BTBD2: variants seen among roughly 807,000 people sequenced by gnomAD.
BTBD2 encodes BTB/POZ domain-containing protein 2.
BTBD2 carries 15 observed loss-of-function variants against 44.0 expected under a neutral mutation model. The ratio of observed to expected loss-of-function variants is 0.34; its 90% CI spans 0.23 to 0.53. The LOEUF is 0.53. BTBD2 is among the 20% of genes least tolerant of loss of function. BTBD2 has a pLI of 0.95. For missense variants in BTBD2, 657 were observed against 746.4 expected, an observed-to-expected ratio of 0.88 and a Z score of 1.39; for synonymous variants, 443 against 335.9, an observed-to-expected ratio of 1.32 and a Z score of -3.49.
intron 3 of BTBD2, chr19:1,992,004 A>C (rs1035212879): frequency 2.6e-5 from 4 of 151,882 alleles, no homozygotes; most frequent in African/African-American, 9.7e-5. Context: ...GAATCGCTTG[A>C]ACGCTGGAGG....
chr19:1,992,875 A>C (rs2016198681), intron 3 of BTBD2, 145 bp downstream of exon 3: 1 of 849,772 alleles, frequency 1.2e-6, no homozygotes, highest in Non-Finnish European at 1.6e-6. Context: ...CCCGGCCCAA[A>C]ACACATTTTA....
intron 1 of BTBD2, chr19:2,013,633 G>A (rs1336014458): frequency 4.1e-6 from 4 of 987,500 alleles, no homozygotes; most frequent in African/African-American, 1.8e-5. Context: ...GGGCCCAGGG[G>A]TCTCTGGCTG....
Position 1,987,706 on chromosome 19 carries a change from A to C in BTBD2, c.989-14T>G. 1.3e-6 allele frequency: 2 copies of C among 1,578,128 alleles called. No homozygotes were observed. Among genetic ancestry groups the C allele is most frequent in the South Asian group, 1.2e-5 (1 of 86,020 alleles). On this transcript the variant is annotated splice_polypyrimidine_tract_variant and intron_variant, in intron 5 of 8. Transcript: ENST00000255608. ...ACTGTGCGGGACCTGCAGCACAGGG[A>C]GGGTGTGGGGGAGGGCCGGGCTGCA...
intron 1 of BTBD2, among the ~76,000 whole-genome samples, chr19:2,000,982 TCAGAGA>T (rs1329480872): frequency 2.0e-5 from 3 of 152,106 alleles, no homozygotes; most frequent in African/African-American, 4.8e-5. Context: ...GTCCTCAGAT[TCAGAGA>T]CAGAAAGGAT....
At chr19:1,988,728 A>C (rs1225682231) in intron 5 of BTBD2, among the ~76,000 whole-genome samples, 11 of 146,894 alleles carry the variant, frequency 7.5e-5, no homozygotes, top group African/African-American at 2.8e-4. Flanking sequence ...CTCAGCCTCC[A>C]GCATAGCTGG....
At chr19:2,014,851 G>C (rs1326163340) in intron 1 of BTBD2, among the ~76,000 whole-genome samples, 1 of 150,964 alleles carries the variant, frequency 6.6e-6, no homozygotes, top group Non-Finnish European at 1.5e-5. Context: ...CAGGCTGGGG[G>C]CGCAAGCCAG....
chr19:2,013,750 TGATCCA>T (rs2016496662), intron 1 of BTBD2: 1 of 898,940 alleles, frequency 1.1e-6, no homozygotes, highest in Non-Finnish European at 1.3e-6. Flanking sequence ...TGAAGGTCTC[TGATCCA>T]GATCATGTGC....
intron 5 of BTBD2, chr19:1,989,528 G>T: frequency 5.4e-6 from 1 of 184,896 alleles, no homozygotes. Context: ...GAGCTGGATG[G>T]CGTCAGGCAG....
At chr19:2,010,884 C>T (rs752389821) in intron 1 of BTBD2, among the ~76,000 whole-genome samples, 1 of 152,160 alleles carries the variant, frequency 6.6e-6, no homozygotes, top group Non-Finnish European at 1.5e-5. Context: ...GATGTCTGCC[C>T]ATCTCGGCCT....
chr19:2,008,762 G>A, intron 1 of BTBD2, among the ~76,000 whole-genome samples: 1 of 151,182 alleles, frequency 6.6e-6, no homozygotes, highest in Admixed American at 6.6e-5. Context: ...CAAGTAATGA[G>A]GTCTCGCTAT....
chr19:2,009,237 C>T (rs1407855375), intron 1 of BTBD2, among the ~76,000 whole-genome samples: 1 of 151,408 alleles, frequency 6.6e-6, no homozygotes, highest in Non-Finnish European at 1.5e-5. Flanking sequence ...CTCAGTCTGT[C>T]ACCCAGGTTG....
intron 5 of BTBD2, chr19:1,988,713 C>T (rs1415978039): frequency 1.3e-5 from 2 of 152,196 alleles, no homozygotes; most frequent in African/African-American, 4.8e-5. Flanking sequence ...AAGCAATTCT[C>T]CTGCCTCAGC....
At position 1,997,604 on chromosome 19, in the gene BTBD2, C is replaced by T; in HGVS notation, c.408-141G>A. On this transcript the variant is annotated intron_variant, in intron 1 of 8. Coordinates refer to ENST00000255608, the MANE Select transcript of BTBD2 (RefSeq NM_017797.4). ...AGGCATGTACCAGGCCCCCCGATGG[C>T]AGAGGCTTCTGGAAGGGGCCTGGGA... 4 of 1,289,344 alleles carry T rather than the reference C, an allele frequency of 3.1e-6. No homozygotes were observed. In the South Asian group the frequency reaches 4.3e-5, roughly 14 times the overall value. The allele number at this position is 1,289,344 out of a possible 1,614,324, so 79.9% of individuals were successfully genotyped here.
intron 2 of BTBD2, among the ~76,000 whole-genome samples, chr19:1,993,436 G>A (rs556956184): frequency 4.7e-4 from 71 of 152,270 alleles, no homozygotes; most frequent in Non-Finnish European, 9.1e-4. Context: ...GCACACACCC[G>A]GAAGCGTCTA....
chr19:1,986,461 G>A lies in BTBD2; in HGVS notation c.*27C>T, dbSNP rs200263760. 4 of 1,609,494 alleles carry A rather than the reference G, an allele frequency of 2.5e-6. No individual in the cohort carries two copies. The highest frequency in any genetic ancestry group is 2.5e-6 in the Non-Finnish European group (3 of 1,176,534). ...CTGGGGCTGCGGCTATCCCCACGGAGGGAGGGCGGTGTCGGTGTCGGGCAG... is the reference window on the plus strand; with the variant it reads ...CTGGGGCTGCGGCTATCCCCACGGAAGGAGGGCGGTGTCGGTGTCGGGCAG... On this transcript the variant is annotated 3_prime_UTR_variant, in exon 9 of 9. Coordinates refer to ENST00000255608, the MANE Select transcript of BTBD2 (RefSeq NM_017797.4).
chr19:2,006,818 A>G (rs745333806), intron 1 of BTBD2, among the ~76,000 whole-genome samples: 3 of 151,364 alleles, frequency 2.0e-5, no homozygotes, highest in Non-Finnish European at 4.4e-5. Context: ...CCTCCTACGT[A>G]GCTGGGATTA....
chr19:1,995,276 A>ATTTT (rs199549335), intron 2 of BTBD2, among the ~76,000 whole-genome samples: 20 of 99,020 alleles, frequency 2.0e-4, no homozygotes, highest in East Asian at 1.8e-3. Context: ...CATACTTTGG[A>ATTTT]TTCTTTTTTT....
At chr19:2,010,367 C>T (rs921054778) in intron 1 of BTBD2, among the ~76,000 whole-genome samples, 6 of 152,158 alleles carry the variant, frequency 3.9e-5, no homozygotes, top group Admixed American at 2.0e-4. Flanking sequence ...CATCCAGGAC[C>T]GGGGAACAGC....
intron 1 of BTBD2, among the ~76,000 whole-genome samples, chr19:2,006,627 C>G (rs1167684458): frequency 6.6e-6 from 1 of 152,154 alleles, no homozygotes; most frequent in Non-Finnish European, 1.5e-5. Flanking sequence ...GCACCGTTAG[C>G]CCAGGGCTGG....
Sources: gnomAD v4.1 joint callset for allele counts (sites outside exome capture counted in the v4.1 genomes callset) on GRCh38, gnomAD v4.1.1 for gene constraint, MANE v1.5 for transcripts, NCBI Gene and HGNC (gene_info 2026-07-23, HGNC 2026-07-21) for gene names.